MAN1A1: variants seen among roughly 807,000 people sequenced by gnomAD.
MAN1A1 encodes the protein mannosidase alpha class 1A member 1, also known as mannosyl-oligosaccharide 1,2-alpha-mannosidase IA.
MAN1A1 carries 29 observed loss-of-function variants against 70.8 expected under a neutral mutation model. That is an observed-to-expected ratio of 0.41 (90% CI 0.31 to 0.56). The LOEUF is 0.56. Ranked by LOEUF, MAN1A1 falls within the 20% of genes least tolerant of loss-of-function variation. MAN1A1 has a pLI of 0.29. For missense variants in MAN1A1, 747 were observed against 841.3 expected (o/e 0.89, Z 1.39); for synonymous variants, 349 against 330.1 (o/e 1.06, Z -0.62).
chr6:119,240,753 A>G (rs1348637492), intron 6 of MAN1A1, among the ~76,000 whole-genome samples: 1 of 152,236 alleles, frequency 6.6e-6, no homozygotes, highest in East Asian at 1.9e-4. Context: ...GGCTATACAC[A>G]AAGTACATTT....
At chr6:119,189,628 G>A (rs1272627275) in intron 10 of MAN1A1, 36 bp downstream of exon 10, 1 of 1,591,982 alleles carries the variant, frequency 6.3e-7, no homozygotes, top group Non-Finnish European at 8.6e-7. Flanking sequence ...AAAGCATGTG[G>A]GAATAGACCA....
intron 2 of MAN1A1, among the ~76,000 whole-genome samples, chr6:119,327,119 A>G (rs530417183): frequency 6.6e-6 from 1 of 152,024 alleles, no homozygotes; most frequent in South Asian, 2.1e-4. Flanking sequence ...GCCCTTAAAG[A>G]GCAACCTGGA....
At position 119,178,623 on chromosome 6, in the gene MAN1A1, G is replaced by A. The variant is rs201238040; in HGVS notation, c.*1196C>T. Reference sequence around the variant, plus strand: ...TCCAGGACTGTGGGGGATGGGGAGTGGCCATTTCTTTATATTTCTTCTAAG... The same window carrying A: ...TCCAGGACTGTGGGGGATGGGGAGTAGCCATTTCTTTATATTTCTTCTAAG... On this transcript the variant is annotated 3_prime_UTR_variant, in exon 13 of 13. Coordinates refer to ENST00000368468, the MANE Select transcript of MAN1A1 (RefSeq NM_005907.4). 1 of 151,956 alleles carries A rather than the reference G, an allele frequency of 6.6e-6. No individual in the cohort carries two copies. Among genetic ancestry groups the A allele is most frequent in the East Asian group, 1.9e-4 (1 of 5,188 alleles). The allele number at this position is 151,956 out of a possible 1,614,324, so 9.4% of individuals were successfully genotyped here. A position where few individuals can be genotyped will look rare whatever the true frequency, so the allele number is the denominator to read the frequency against.
At chr6:119,250,534 A>T (rs865924510) in intron 5 of MAN1A1, among the ~76,000 whole-genome samples, 8 of 152,228 alleles carry the variant, frequency 5.3e-5, no homozygotes, top group Admixed American at 2.0e-4. Flanking sequence ...ACTAACAGGT[A>T]GTTGTAGTTT....
In MAN1A1 at chr6:119,348,973, C is replaced by T; in HGVS notation, c.93G>A (p.Ser31=). 1 of 1,496,686 alleles carries T rather than the reference C, an allele frequency of 6.7e-7. No homozygotes were observed. Among genetic ancestry groups the T allele is most frequent in the African/African-American group, 1.4e-5 (1 of 69,188 alleles). The allele number at this position is 1,496,686 out of a possible 1,614,324, so 92.7% of individuals were successfully genotyped here. The change falls in exon 2 of 13, where the codon TCG becomes TCA. Residue 31 remains serine, a synonymous_variant. Transcript: ENST00000368468. ...GLGGGGGRKG[S]GPAALRLTEK... is the part of the protein sequence containing the mutation. Reference sequence around the variant, plus strand: ...CCGTCAGGCGGAGGGCGGCGGGGCCCGACCCCTTCCTGCCACCGCCGCCGC... The same window carrying T: ...CCGTCAGGCGGAGGGCGGCGGGGCCTGACCCCTTCCTGCCACCGCCGCCGC...
intron 5 of MAN1A1, chr6:119,269,514 T>C: frequency 5.2e-6 from 1 of 191,298 alleles, no homozygotes; most frequent in Non-Finnish European, 1.1e-5. Context: ...ATGGGGGGCC[T>C]CAGGAAGGGT....
At chr6:119,232,445 T>C (rs1057117522) in intron 6 of MAN1A1, among the ~76,000 whole-genome samples, 6 of 151,188 alleles carry the variant, frequency 4.0e-5, no homozygotes, top group Non-Finnish European at 7.4e-5. Flanking sequence ...GACAGAGTGA[T>C]AGCCTACAAT....
chr6:119,226,746 C>T (rs1411153207), intron 6 of MAN1A1, among the ~76,000 whole-genome samples: 2 of 152,204 alleles, frequency 1.3e-5, no homozygotes, highest in Non-Finnish European at 2.9e-5. Context: ...TCTTGGCTCA[C>T]TGCAGCCTCT....
At chr6:119,275,722 G>A (rs1027620675) in intron 5 of MAN1A1, among the ~76,000 whole-genome samples, 1 of 152,186 alleles carries the variant, frequency 6.6e-6, no homozygotes, top group Non-Finnish European at 1.5e-5. Flanking sequence ...GATTACAGGC[G>A]TGAGCCACTG....
At chr6:119,258,444 T>C (rs2299879) in intron 5 of MAN1A1, among the ~76,000 whole-genome samples, 112,639 of 152,048 alleles carry the variant, frequency 0.74, 42,192 homozygotes, top group Non-Finnish European at 0.81. Flanking sequence ...ACTATTTACA[T>C]AGCAATGACA....
chr6:119,187,184 A>AT (rs1176846623), intron 11 of MAN1A1, among the ~76,000 whole-genome samples: 1 of 152,114 alleles, frequency 6.6e-6, no homozygotes, highest in African/African-American at 2.4e-5. Context: ...TGGTAGTGTT[A>AT]TTTTTCTTAG....
At position 119,314,533 on chromosome 6, in the gene MAN1A1, G is replaced by C. The variant is rs9489683; in HGVS notation, c.604-7541C>G. On this transcript the variant is annotated intron_variant, in intron 2 of 12. Coordinates refer to ENST00000368468, the MANE Select transcript of MAN1A1 (RefSeq NM_005907.4). ...TTTTACATATGAAGCTGAGGCCCAA[G>C]GTAGTGTAGAGAAGAGCAAGGCTGG... Among the ~76,000 whole-genome samples, 439 of 152,260 alleles carry C rather than the reference G, an allele frequency of 2.9e-3. 2 individuals are homozygous for C. The highest frequency in any genetic ancestry group is 0.01 in the African/African-American group (423 of 41,534).
At chr6:119,230,714 A>G (rs1424691828) in intron 6 of MAN1A1, among the ~76,000 whole-genome samples, 1 of 152,204 alleles carries the variant, frequency 6.6e-6, no homozygotes, top group African/African-American at 2.4e-5. Flanking sequence ...TCCAGGATCT[A>G]GGAGAAGGGT....
At chr6:119,345,863 C>T (rs536765639) in intron 2 of MAN1A1, among the ~76,000 whole-genome samples, 11 of 152,320 alleles carry the variant, frequency 7.2e-5, no homozygotes, top group Non-Finnish European at 1.3e-4. Flanking sequence ...AATCCCAGCA[C>T]TTTGAGAGGC....
chr6:119,236,034 G>A (rs137970110), intron 6 of MAN1A1, among the ~76,000 whole-genome samples: 4,256 of 151,670 alleles, frequency 0.028, 94 homozygotes, highest in Non-Finnish European at 0.045. Context: ...TGCTACTCAG[G>A]AGGCTGAGTC....
At chr6:119,277,247 T>G (rs115225001) in intron 5 of MAN1A1, among the ~76,000 whole-genome samples, 89 of 152,244 alleles carry the variant, frequency 5.8e-4, no homozygotes, top group African/African-American at 2.1e-3. Flanking sequence ...AAACATTTCA[T>G]CATGTAGCAG....
chr6:119,187,328 C>T lies in MAN1A1; in HGVS notation c.1719+1077G>A, dbSNP rs1582678075. On this transcript the variant is annotated intron_variant, in intron 11 of 12. Coordinates refer to ENST00000368468, the MANE Select transcript of MAN1A1 (RefSeq NM_005907.4). ...ATTGAAGACCAAAACAATTCCCTAT[C>T]ACCAAAGTTTAGAAAAGCTTCAACT... Among the ~76,000 whole-genome samples the T allele has an allele frequency of 3.3e-5, 5 of 152,150 alleles. No homozygotes were observed. The South Asian group carries it at 1.0e-3, about 32-fold the overall frequency.
In MAN1A1 at chr6:119,194,887, C is replaced by T. The variant is rs550807412; in HGVS notation, c.1211-995G>A. On this transcript the variant is annotated intron_variant, in intron 8 of 12. Transcript: ENST00000368468. Reference sequence around the variant, plus strand: ...CTTGCTCTGTCACCAGGCTGGAGTGCAATGGTGCGATCTCGGCTCATGGCA... The same window carrying T: ...CTTGCTCTGTCACCAGGCTGGAGTGTAATGGTGCGATCTCGGCTCATGGCA... 1.9e-4 allele frequency among the ~76,000 whole-genome samples: 28 copies of T among 151,320 alleles called. 2 individuals carry two copies. In the South Asian group the frequency reaches 5.8e-3, roughly 32 times the overall value.
chr6:119,237,885 A>G (rs1774898090), intron 6 of MAN1A1, among the ~76,000 whole-genome samples: 1 of 152,212 alleles, frequency 6.6e-6, no homozygotes, highest in Non-Finnish European at 1.5e-5. Flanking sequence ...ATCACACTTA[A>G]AAAGATAGAG....
Sources: gnomAD v4.1 joint callset for allele counts (sites outside exome capture counted in the v4.1 genomes callset) on GRCh38, gnomAD v4.1.1 for gene constraint, MANE v1.5 for transcripts, NCBI Gene and HGNC (gene_info 2026-07-23, HGNC 2026-07-21) for gene names.